The following LATS1 variants were observed in gnomAD, a reference collection of about 807,000 sequenced individuals.
LATS1 encodes the protein large tumor suppressor kinase 1, also known as serine/threonine-protein kinase LATS1.
Under a neutral mutation model 106.6 loss-of-function variants are expected in LATS1, and 25 were observed. The ratio of observed to expected loss-of-function variants is 0.23; its 90% CI spans 0.17 to 0.33. The LOEUF is 0.33. Ranked by LOEUF, LATS1 falls within the 10% of genes least tolerant of loss-of-function variation. The pLI, the probability that LATS1 is intolerant of heterozygous loss-of-function variation, is 1.00. For synonymous variants in LATS1, 465 were observed against 455.6 expected (o/e 1.02, Z -0.26); for missense variants, 1,040 against 1,382.6 (o/e 0.75, Z 3.93).
chr6:149,663,929 T>A (rs1269976676), intron 7 of LATS1, among the ~76,000 whole-genome samples: 1 of 151,842 alleles, frequency 6.6e-6, no homozygotes, highest in South Asian at 2.1e-4. Flanking sequence ...TGCCTCAGCC[T>A]CCTGAGTAGC....
At chr6:149,668,636 G>A (rs979133081) in intron 7 of LATS1, among the ~76,000 whole-genome samples, 8 of 148,540 alleles carry the variant, frequency 5.4e-5, no homozygotes, top group South Asian at 2.1e-4. Context: ...TAGAGACACT[G>A]TCTATGATTT....
At chr6:149,692,806 C>T (rs759410633) in intron 3 of LATS1, among the ~76,000 whole-genome samples, 1 of 151,928 alleles carries the variant, frequency 6.6e-6, no homozygotes, top group Non-Finnish European at 1.5e-5. Context: ...TCTCAAGTAG[C>T]TGAGATTAGA....
rs187211175 is a variant in LATS1 at position 149,677,039 on chromosome 6, T to C, written c.2594-302A>G. Among the ~76,000 whole-genome samples, 239 of 152,356 alleles carry C rather than the reference T, an allele frequency of 1.6e-3. 1 individual carries two copies. Among genetic ancestry groups the C allele is most frequent in the Admixed American group, 3.7e-3 (57 of 15,304 alleles). The stretch of plus-strand genomic sequence containing the variant: ...AGAGTTTGTTATTTAGCCCACTCCC[T>C]GTTACTACTCTGGACAAACTTTCAA... On this transcript the variant is annotated intron_variant, in intron 5 of 7. Coordinates refer to ENST00000543571, the MANE Select transcript of LATS1 (RefSeq NM_004690.4).
chr6:149,703,562 A>G (rs1389662740), intron 1 of LATS1, among the ~76,000 whole-genome samples: 1 of 152,144 alleles, frequency 6.6e-6, no homozygotes, highest in Non-Finnish European at 1.5e-5. Context: ...ACAAAAAATG[A>G]GATTCAAGTA....
chr6:149,703,108 T>A (rs1315848172), intron 1 of LATS1, among the ~76,000 whole-genome samples: 1 of 150,076 alleles, frequency 6.7e-6, no homozygotes, highest in Non-Finnish European at 1.5e-5. Flanking sequence ...CAAGTAGCTG[T>A]GATTACAGGT....
At chr6:149,681,599 C>T (rs963728757) in intron 4 of LATS1, among the ~76,000 whole-genome samples, 12 of 151,872 alleles carry the variant, frequency 7.9e-5, no homozygotes, top group East Asian at 3.8e-4. Flanking sequence ...GTAAGAAATC[C>T]TAAGAATTAA....
intron 3 of LATS1, among the ~76,000 whole-genome samples, chr6:149,687,913 G>A (rs1418021270): frequency 6.6e-5 from 9 of 136,542 alleles, no homozygotes; most frequent in African/African-American, 2.2e-4. Flanking sequence ...TCGCTCTGTC[G>A]CCCAGGCTGG....
At chr6:149,677,758 G>A (rs140419650) in intron 5 of LATS1, among the ~76,000 whole-genome samples, 43 of 152,270 alleles carry the variant, frequency 2.8e-4, no homozygotes, top group African/African-American at 8.9e-4. Flanking sequence ...TGGGATGTTT[G>A]ATTAAAATAT....
At chr6:149,687,796 T>G (rs1782482742) in intron 3 of LATS1, among the ~76,000 whole-genome samples, 1 of 151,778 alleles carries the variant, frequency 6.6e-6, no homozygotes, top group Non-Finnish European at 1.5e-5. Flanking sequence ...CTCGAACTCC[T>G]GGCTTCAAGC....
chr6:149,669,792 C>T (rs1185753005), intron 7 of LATS1, among the ~76,000 whole-genome samples: 3 of 151,756 alleles, frequency 2.0e-5, no homozygotes, highest in Admixed American at 6.6e-5. Context: ...ATAACTACAA[C>T]ATAAATAGTA....
chr6:149,700,826 C>T (rs768712579), intron 2 of LATS1, among the ~76,000 whole-genome samples: 1 of 152,094 alleles, frequency 6.6e-6, no homozygotes, highest in Non-Finnish European at 1.5e-5. Context: ...TCTTGTTGAC[C>T]AGGCTGGAGT....
Position 149,683,263 on chromosome 6 carries a change from T to C in LATS1, c.1826A>G (p.Gln609Arg). The change falls in exon 4 of 8, where the codon CAG (glutamine) becomes CGG (arginine). Residue 609 changes from glutamine to arginine, a missense_variant. This residue lies in a region of LATS1 where 167 missense variants were observed against 332.1 expected (regional missense o/e 0.50). Transcript: ENST00000543571. ...AACAGTAATAGGTGAAGTTGTAATCTGTTTCTTTTCTTTATCCCCACTATC... is the reference window on the plus strand; with the variant it reads ...AACAGTAATAGGTGAAGTTGTAATCCGTTTCTTTTCTTTATCCCCACTATC... ...NVDSGDKEKK[Q>R]ITTSPITVRK... The C allele has an allele frequency of 6.2e-7, 1 of 1,614,154 alleles. No homozygotes were observed. Among genetic ancestry groups the C allele is most frequent in the Non-Finnish European group, 8.5e-7 (1 of 1,179,968 alleles).
In LATS1 at chr6:149,718,024, C is replaced by G. The variant is rs1784520634; in HGVS notation, c.-316G>C. The G allele has an allele frequency of 5.7e-6, 2 of 351,462 alleles. No homozygotes were observed. Among genetic ancestry groups the G allele is most frequent in the African/African-American group, 2.3e-5 (1 of 43,028 alleles). 21.8% of individuals were successfully genotyped at this position (351,462 alleles called of 1,614,324 possible). A position where few individuals can be genotyped will look rare whatever the true frequency, so the allele number is the denominator to read the frequency against. On this transcript the variant is annotated 5_prime_UTR_variant, in exon 1 of 8. Coordinates refer to ENST00000543571, the MANE Select transcript of LATS1 (RefSeq NM_004690.4). ...TCCCAGGGGTCGTGAGGACCTGGCTCTCCCCTTAACACCAGGCCACCGCCG... is the reference window on the plus strand; with the variant it reads ...TCCCAGGGGTCGTGAGGACCTGGCTGTCCCCTTAACACCAGGCCACCGCCG...
At chr6:149,682,661 G>T (rs1053488295) in intron 4 of LATS1, among the ~76,000 whole-genome samples, 2 of 151,996 alleles carry the variant, frequency 1.3e-5, no homozygotes, top group African/African-American at 4.8e-5. Flanking sequence ...TGATCTGCCT[G>T]CCTCAGCCTT....
At chr6:149,706,389 G>A (rs558304184) in intron 1 of LATS1, among the ~76,000 whole-genome samples, 3 of 151,278 alleles carry the variant, frequency 2.0e-5, no homozygotes, top group African/African-American at 7.3e-5. Flanking sequence ...GTGTGACTGT[G>A]GTACCAGCTG....
At chr6:149,666,486 C>T (rs1056698469) in intron 7 of LATS1, among the ~76,000 whole-genome samples, 2 of 151,554 alleles carry the variant, frequency 1.3e-5, no homozygotes, top group East Asian at 2.0e-4. Context: ...GGTGTGGTGG[C>T]GAGCAACTGT....
intron 7 of LATS1, among the ~76,000 whole-genome samples, chr6:149,664,424 A>C (rs2114690689): frequency 6.6e-6 from 1 of 152,320 alleles, no homozygotes; most frequent in South Asian, 2.1e-4. Context: ...ATTTCAAGAA[A>C]CTGAGTGAAT....
intron 2 of LATS1, among the ~76,000 whole-genome samples, chr6:149,699,153 A>G (rs1300969200): frequency 6.6e-6 from 1 of 152,188 alleles, no homozygotes. Context: ...AGTGAAAACT[A>G]GATAATAATT....
At position 149,676,541 on chromosome 6, in the gene LATS1, A is replaced by G; in HGVS notation, c.2776+14T>C. 1.9e-6 allele frequency: 3 copies of G among 1,610,234 alleles called. No homozygotes were observed. The highest frequency in any genetic ancestry group is 1.7e-6 in the Non-Finnish European group (2 of 1,176,986). ...AAAGGTCTACTGAGAATATATATGA[A>G]AGAAGTGCTTTACCTGTTCGTAGCA... is the stretch of plus-strand genomic sequence containing the variant. On this transcript the variant is annotated intron_variant, in intron 6 of 7. Coordinates refer to ENST00000543571, the MANE Select transcript of LATS1 (RefSeq NM_004690.4).
Sources: gnomAD v4.1 joint callset for allele counts (sites outside exome capture counted in the v4.1 genomes callset) on GRCh38, gnomAD v4.1.1 for gene constraint, gnomAD v4.1.1 regional missense constraint, MANE v1.5 for transcripts, NCBI Gene and HGNC (gene_info 2026-07-23, HGNC 2026-07-21) for gene names.